The following APOB variants were observed in gnomAD, a reference collection of about 807,000 sequenced individuals.
APOB encodes apolipoprotein B, also known as apolipoprotein B-100.
In APOB, 153 loss-of-function variants were observed where a neutral mutation model predicts 314.1. The ratio of observed to expected loss-of-function variants is 0.49; its 90% CI spans 0.43 to 0.56. The LOEUF (loss-of-function observed/expected upper bound fraction) is 0.56, where lower values mean the gene tolerates loss of function less well. Ranked by LOEUF, APOB falls within the 20% of genes least tolerant of loss-of-function variation. The probability of loss-of-function intolerance (pLI) is 0.00; values close to 1 mark genes in which losing one functional copy is unlikely to be tolerated. For missense variants in APOB, 5,430 were observed against 5,350.7 expected (o/e 1.01, Z -0.46); for synonymous variants, 2,087 against 2,036.4 (o/e 1.02, Z -0.67).
chr2:21,041,605 G>T, intron 3 of APOB, among the ~76,000 whole-genome samples: 1 of 152,234 alleles, frequency 6.6e-6, no homozygotes, highest in East Asian at 1.9e-4. Context: ...TAACTTTATA[G>T]AAATGTTGTA....
chr2:21,030,445 A>C (rs1167372385), intron 10 of APOB, among the ~76,000 whole-genome samples: 1 of 152,236 alleles, frequency 6.6e-6, no homozygotes, highest in African/African-American at 2.4e-5. Flanking sequence ...ATATAAAAAA[A>C]TCAACTCAAG....
In APOB at chr2:21,010,364, A is replaced by G. The variant is rs72653085; in HGVS notation, c.6504T>C (p.Asn2168=). 6 of 1,579,036 alleles carry G rather than the reference A, an allele frequency of 3.8e-6. No homozygotes were observed. The highest frequency in any genetic ancestry group is 2.3e-5 in the East Asian group (1 of 44,284). ...ATGTCTGCAGTTGAGATAGTTTTTC[A>G]TTAAAGTTGATTTTGGCATCATCTA... ...IALDDAKINF[N]EKLSQLQTYM... The change falls in exon 26 of 29, where the codon AAT becomes AAC. Residue 2168 remains asparagine (N), a synonymous_variant. Transcript: ENST00000233242.
intron 12 of APOB, 37 bp downstream of exon 12, chr2:21,029,602 A>G (rs747322458): frequency 1.9e-6 from 3 of 1,611,874 alleles, no homozygotes; most frequent in Non-Finnish European, 1.7e-6. Context: ...CCTTGTTAAT[A>G]AACTTTCACT....
In APOB at chr2:21,015,496, G is replaced by A. The variant is rs72653076; in HGVS notation, c.3382C>T (p.Arg1128Cys). The change falls in exon 22 of 29, where the codon CGT becomes TGT. Residue 1128 changes from arginine (R) to cysteine (C), a missense_variant. Physicochemically the swap from Arg to Cys is radical, Grantham distance 180. This residue lies in a region of APOB where 2,085 missense variants were observed against 2,079.7 expected (regional missense o/e 1.00). Coordinates refer to ENST00000233242, the MANE Select transcript of APOB (RefSeq NM_000384.3). ...TCACTTCTGGCTTCTGCTTGCAAAC[G>A]GGGTATGGAAATAACACCCTTGATT... ...RKIKGVISIP[R>C]LQAEARSEIL... is the part of the protein sequence containing the mutation. 8.1e-5 allele frequency: 131 copies of A among 1,614,006 alleles called. No homozygotes were observed. In the African/African-American group the frequency reaches 1.2e-3, roughly 14 times the overall value.
At position 21,012,663 on chromosome 2, in the gene APOB, A is replaced by T; in HGVS notation, c.4217-12T>A. 1 of 1,608,318 alleles carries T rather than the reference A, an allele frequency of 6.2e-7. No individual in the cohort carries two copies. Among genetic ancestry groups the T allele is most frequent in the South Asian group, 1.1e-5 (1 of 90,990 alleles). On this transcript the variant is annotated splice_polypyrimidine_tract_variant and intron_variant, in intron 25 of 28. Transcript: ENST00000233242. Reference sequence around the variant, plus strand: ...TGTTTCTCCAGATCCTAACATAAAAATGAAAAGACATTGGTTAAATTAAGC... The same window carrying T: ...TGTTTCTCCAGATCCTAACATAAAATTGAAAAGACATTGGTTAAATTAAGC...
intron 6 of APOB, 28 bp downstream of exon 6, chr2:21,037,072 T>G: frequency 6.2e-7 from 1 of 1,613,990 alleles, no homozygotes. Flanking sequence ...CTCCTTGCTG[T>G]GCACGACAGT....
chr2:21,005,569 C>A lies in APOB; in HGVS notation c.11299G>T (p.Glu3767Ter), dbSNP rs759158772. ...CTCAGCTTCTTATAGATTTGTATTT[C>A]TCTGAAGTCAAGTTTGCACGATGGA... Reference protein sequence around the residue: ...QVPSCKLDFREIQIYKKLRTS... With the variant: ...QVPSCKLDFR The change falls in exon 26 of 29, where the codon GAA becomes TAA. Residue 3767 changes from glutamate to a stop codon, truncating the protein, a stop_gained. Transcript: ENST00000233242. LOFTEE classifies it high-confidence loss of function. 6.2e-7 allele frequency: 1 copy of A among 1,614,054 alleles called. No homozygotes were observed. Among genetic ancestry groups the A allele is most frequent in the African/African-American group, 1.3e-5 (1 of 75,028 alleles).
In APOB at chr2:21,008,796, A is replaced by G. The variant is rs754238244; in HGVS notation, c.8072T>C (p.Ile2691Thr). 1.5e-5 allele frequency: 24 copies of G among 1,614,058 alleles called. No homozygotes were observed. Among genetic ancestry groups the G allele is most frequent in the Non-Finnish European group, 2.0e-5 (24 of 1,179,954 alleles). The stretch of plus-strand genomic sequence containing the variant: ...CTCCACCTTCAGATCCCTGAGATAT[A>G]TATCTGGAACGGGCCACTGCAGCTC... ...NSELQWPVPDIYLRDLKVEDI... is the reference protein window; with the variant it reads ...NSELQWPVPDTYLRDLKVEDI... The change falls in exon 26 of 29, where the codon ATA becomes ACA. Residue 2691 changes from isoleucine to threonine, a missense_variant. By Grantham distance (89) the Ile-to-Thr change is moderately conservative (BLOSUM62 -1). Coordinates refer to ENST00000233242, the MANE Select transcript of APOB (RefSeq NM_000384.3).
rs887964844 is a variant in APOB, at chr2:21,031,869, A to C, written c.1352+485T>G. Among the ~76,000 whole-genome samples, 5 of 152,140 alleles carry C rather than the reference A, an allele frequency of 3.3e-5. No homozygotes were observed. The East Asian group carries it at 5.8e-4, about 18-fold the overall frequency. On this transcript the variant is annotated intron_variant, in intron 10 of 28. Transcript: ENST00000233242. ...TCTCAAAAAAACAACAACAACAAAA[A>C]AAAACAAAACAAACAAACAAAAAAA...
At chr2:21,020,647 C>T (rs1429753855) in intron 18 of APOB, among the ~76,000 whole-genome samples, 2 of 152,232 alleles carry the variant, frequency 1.3e-5, no homozygotes, top group Non-Finnish European at 2.9e-5. Flanking sequence ...CAAGTGTGTA[C>T]TTAAAAACTT....
rs1472517669 is a variant in APOB, at chr2:21,002,147, A to G, written c.13275T>C (p.Tyr4425=). 3.7e-6 allele frequency: 6 copies of G among 1,613,868 alleles called. No homozygotes were observed. The highest frequency in any genetic ancestry group is 2.2e-5 in the East Asian group (1 of 44,878). The change falls in exon 29 of 29, where the codon TAT becomes TAC. Residue 4425 remains tyrosine (Y), a synonymous_variant. Coordinates refer to ENST00000233242, the MANE Select transcript of APOB (RefSeq NM_000384.3). Reference sequence around the variant, plus strand: ...AAGTAAAGTTAGAGGCACTGACAATATATTCAGAATGGAAGTCCTTAAGAG... The same window carrying G: ...AAGTAAAGTTAGAGGCACTGACAATGTATTCAGAATGGAAGTCCTTAAGAG... ...LVALKDFHSE[Y]IVSASNFTSQ...
In APOB at chr2:21,011,034, T is replaced by G; in HGVS notation, c.5834A>C (p.Asp1945Ala). 1 of 1,614,156 alleles carries G rather than the reference T, an allele frequency of 6.2e-7. No homozygotes were observed. Among genetic ancestry groups the G allele is most frequent in the Non-Finnish European group, 8.5e-7 (1 of 1,180,012 alleles). ...AEPLAFTFSH[D>A]YKGSTSHHLV... ...ATGATGACTTGTGGAGCCTTTGTAA[T>G]CATGAGAGAAAGTAAATGCCAGAGG... The change falls in exon 26 of 29, where the codon GAT becomes GCT. Residue 1945 changes from aspartate (D) to alanine (A), a missense_variant. Physicochemically the swap from Asp to Ala is moderately radical, Grantham distance 126. Coordinates refer to ENST00000233242, the MANE Select transcript of APOB (RefSeq NM_000384.3).
At position 21,011,021 on chromosome 2, in the gene APOB, G is replaced by A. The variant is rs2103357802; in HGVS notation, c.5847C>T (p.Ser1949=). The change falls in exon 26 of 29, where the codon TCC becomes TCT. Residue 1949 remains serine, a synonymous_variant. Transcript: ENST00000233242. ...TCCTAGACACGAGATGATGACTTGT[G>A]GAGCCTTTGTAATCATGAGAGAAAG... ...AFTFSHDYKG[S]TSHHLVSRKS... 1 of 1,614,124 alleles carries A rather than the reference G, an allele frequency of 6.2e-7. No individual in the cohort carries two copies.
In APOB at chr2:21,009,553, T is replaced by A. The variant is rs780800600; in HGVS notation, c.7315A>T (p.Thr2439Ser). The A allele has an allele frequency of 4.3e-6, 7 of 1,614,064 alleles. 1 individual carries two copies. The South Asian group carries it at 6.6e-5, about 15-fold the overall frequency. Residue 2439 changes from threonine (T) to serine (S), a missense_variant, in exon 26 of 29, where the codon ACC becomes TCC. Around this residue, in one of 3 missense-constraint regions of APOB, gnomAD observed 3,281 missense variants for 3,171.0 expected, o/e 1.03. Coordinates refer to ENST00000233242, the MANE Select transcript of APOB (RefSeq NM_000384.3). ...GTCACCTCACGGATTTTGTCATTGG[T>A]TTCATCTACAAACTGGTGGTAATCA... ...SFDYHQFVDE[T>S]NDKIREVTQR...
At chr2:21,027,200 CA>C (rs1275308616) in intron 14 of APOB, among the ~76,000 whole-genome samples, 3 of 151,846 alleles carry the variant, frequency 2.0e-5, no homozygotes, top group Non-Finnish European at 2.9e-5. Context: ...AATAATTCAA[CA>C]AAGGATTCAG....
At chr2:21,028,855 T>C (rs944696142) in intron 12 of APOB, among the ~76,000 whole-genome samples, 1 of 152,210 alleles carries the variant, frequency 6.6e-6, no homozygotes. Context: ...GTTATTTTAA[T>C]GTGAGGATAA....
chr2:21,035,499 G>A (rs147005705), intron 7 of APOB, 85 bp downstream of exon 7: 205 of 1,547,058 alleles, frequency 1.3e-4, no homozygotes, highest in Middle Eastern at 2.1e-4. Flanking sequence ...CCAGGCACAG[G>A]TTTGCCTGGA....
rs748957122 is a variant in APOB, at chr2:21,006,113, G to C, written c.10755C>G (p.Ser3585Arg). 6.2e-7 allele frequency: 1 copy of C among 1,613,972 alleles called. No individual in the cohort carries two copies. The highest frequency in any genetic ancestry group is 1.1e-5 in the South Asian group (1 of 91,072). The change falls in exon 26 of 29, where the codon AGC becomes AGG. Residue 3585 changes from serine to arginine, a missense_variant. Around this residue, in one of 3 missense-constraint regions of APOB, gnomAD observed 3,281 missense variants for 3,171.0 expected, o/e 1.03. Coordinates refer to ENST00000233242, the MANE Select transcript of APOB (RefSeq NM_000384.3). ...GLFFTNGEHTSKATLELSPWQ... is the reference protein window; with the variant it reads ...GLFFTNGEHTRKATLELSPWQ... ...ATGGAGAGAGTTCCAGGGTGGCTTT[G>C]CTTGTATGTTCTCCGTTGGTGAAAA...
rs181877973 is a variant in APOB, at chr2:21,011,034, T to C, written c.5834A>G (p.Asp1945Gly). 3.1e-6 allele frequency: 5 copies of C among 1,614,156 alleles called. No individual in the cohort carries two copies. The Admixed American group carries it at 6.7e-5, about 22-fold the overall frequency. The change falls in exon 26 of 29, where the codon GAT (aspartate) becomes GGT (glycine). Residue 1945 changes from aspartate (D) to glycine (G), a missense_variant. Asp to Gly is a moderately conservative substitution (Grantham distance 94). This residue lies in a region of APOB where 3,281 missense variants were observed against 3,171.0 expected (regional missense o/e 1.03). Coordinates refer to ENST00000233242, the MANE Select transcript of APOB (RefSeq NM_000384.3). The stretch of plus-strand genomic sequence containing the variant: ...ATGATGACTTGTGGAGCCTTTGTAA[T>C]CATGAGAGAAAGTAAATGCCAGAGG... ...AEPLAFTFSHDYKGSTSHHLV... is the reference protein window; with the variant it reads ...AEPLAFTFSHGYKGSTSHHLV...
Sources: gnomAD v4.1 joint callset for allele counts (sites outside exome capture counted in the v4.1 genomes callset) on GRCh38, gnomAD v4.1.1 for gene constraint, gnomAD v4.1.1 regional missense constraint, MANE v1.5 for transcripts, NCBI Gene and HGNC (gene_info 2026-07-23, HGNC 2026-07-21) for gene names.